ADGRF5: variants seen among roughly 807,000 people sequenced by gnomAD.
ADGRF5 encodes G-protein coupled receptor 116.
In ADGRF5, 75 loss-of-function variants were observed where a neutral mutation model predicts 132.3. The observed-to-expected ratio is 0.57, with a 90% CI of 0.47 to 0.69. The LOEUF is 0.69. Ranked by LOEUF, ADGRF5 falls within the 30% of genes least tolerant of loss-of-function variation. The pLI, the probability that ADGRF5 is intolerant of heterozygous loss-of-function variation, is 0.00. For synonymous variants in ADGRF5, 629 were observed against 597.6 expected (o/e 1.05, Z -0.77); for missense variants, 1,516 against 1,630.6 (o/e 0.93, Z 1.21).
chr6:46,933,004 A>C (rs530613457), intron 1 of ADGRF5, among the ~76,000 whole-genome samples: 42 of 152,206 alleles, frequency 2.8e-4, no homozygotes, highest in Non-Finnish European at 5.3e-4. Flanking sequence ...ATGGCCAAAA[A>C]TAAGATCACT....
At chr6:46,940,068 C>T (rs1042169765) in intron 1 of ADGRF5, among the ~76,000 whole-genome samples, 8 of 151,938 alleles carry the variant, frequency 5.3e-5, no homozygotes, top group African/African-American at 1.7e-4. Flanking sequence ...AACCAAACAC[C>T]GATTGAAAAA....
At position 46,868,721 on chromosome 6, in the gene ADGRF5, G is replaced by C. The variant is rs573449136; in HGVS notation, c.1621+162C>G. The stretch of plus-strand genomic sequence containing the variant: ...TTTATCTGTAAATATGGAAATAATG[G>C]CATCTTCCCTCAAAGGAATGTTGCG... On this transcript the variant is annotated intron_variant, in intron 12 of 20. Transcript: ENST00000283296. Among the ~76,000 whole-genome samples, 6 of 152,268 alleles carry C rather than the reference G, an allele frequency of 3.9e-5. No homozygotes were observed. In the South Asian group the frequency reaches 1.2e-3, roughly 32 times the overall value.
chr6:46,878,857 G>A (rs865963842), intron 9 of ADGRF5, among the ~76,000 whole-genome samples: 10 of 152,224 alleles, frequency 6.6e-5, no homozygotes, highest in African/African-American at 1.2e-4. Context: ...GTTACAATGC[G>A]GCTATTACAT....
upstream of ADGRF5, among the ~76,000 whole-genome samples, chr6:46,925,917 T>A (rs909850088): frequency 4.6e-5 from 7 of 152,232 alleles, no homozygotes; most frequent in Admixed American, 1.3e-4. Context: ...TGCTTTTTTT[T>A]ATTTTCTTTT....
chr6:46,916,822 C>T (rs1410251021), intron 1 of ADGRF5, among the ~76,000 whole-genome samples: 2 of 152,336 alleles, frequency 1.3e-5, no homozygotes, highest in East Asian at 3.9e-4. Flanking sequence ...GTCAATTTTT[C>T]TCCCATAACA....
intron 4 of ADGRF5, among the ~76,000 whole-genome samples, chr6:46,887,392 C>T (rs1183514741): frequency 1.3e-5 from 2 of 152,116 alleles, no homozygotes; most frequent in Non-Finnish European, 2.9e-5. Flanking sequence ...GTGGGAAACA[C>T]AGCAGAAGTT....
chr6:46,911,163 A>T (rs1024958536), intron 1 of ADGRF5, among the ~76,000 whole-genome samples: 1 of 152,132 alleles, frequency 6.6e-6, no homozygotes, highest in Non-Finnish European at 1.5e-5. Flanking sequence ...TACTCTTCAC[A>T]CAACATTCCC....
chr6:46,856,053 T>G lies in ADGRF5; in HGVS notation c.3882A>C (p.Thr1294=), dbSNP rs1769000603. The G allele has an allele frequency of 6.5e-7, 1 of 1,536,622 alleles. No individual in the cohort carries two copies. Among genetic ancestry groups the G allele is most frequent in the African/African-American group, 1.5e-5 (1 of 67,864 alleles). ...SRWSSQHSKS[T]SLGSSTPVFS... ...ACACAGGTGTGGATGAACCCAGGGA[T>G]GTTGACTAGAAGAGAGAAAAAAAGG... The change falls in exon 20 of 21, where the codon ACA becomes ACC. Residue 1294 remains threonine (T), a synonymous_variant. Transcript: ENST00000283296.
intron 1 of ADGRF5, among the ~76,000 whole-genome samples, chr6:46,932,864 T>G (rs1777624589): frequency 6.6e-6 from 1 of 152,206 alleles, no homozygotes; most frequent in Non-Finnish European, 1.5e-5. Context: ...CTTTTTAAAA[T>G]GCCCTTTCAA....
intron 1 of ADGRF5, among the ~76,000 whole-genome samples, chr6:46,953,659 A>ATATATATATATAGATATATG (rs1554131428): frequency 6.8e-5 from 5 of 73,674 alleles, no homozygotes; most frequent in African/African-American, 9.3e-5. Flanking sequence ...GTGTATATAT[A>ATATATATATATAGATATATG]TATATATATA....
chr6:46,877,307 T>TC (rs1562175113), intron 10 of ADGRF5, among the ~76,000 whole-genome samples: 8 of 36,980 alleles, frequency 2.2e-4, no homozygotes, highest in South Asian at 9.4e-4. Flanking sequence ...CTCTCTCTCT[T>TC]TCCTTCCTTC....
chr6:46,874,227 C>T (rs1206204255), intron 10 of ADGRF5, among the ~76,000 whole-genome samples: 1 of 152,164 alleles, frequency 6.6e-6, no homozygotes, highest in Non-Finnish European at 1.5e-5. Context: ...CTTCTCTTCT[C>T]TTTATCTTCT....
chr6:46,855,563 T>A (rs1298831635), intron 20 of ADGRF5, among the ~76,000 whole-genome samples: 2 of 152,188 alleles, frequency 1.3e-5, no homozygotes, highest in African/African-American at 2.4e-5. Flanking sequence ...AGTGAGATCC[T>A]GTAGTAAGAT....
upstream of ADGRF5, among the ~76,000 whole-genome samples, chr6:46,922,973 C>A (rs751419607): frequency 2.0e-5 from 3 of 152,242 alleles, no homozygotes; most frequent in Non-Finnish European, 4.4e-5. Flanking sequence ...GTCTCCCAGG[C>A]TAGAGTCCAG....
intron 1 of ADGRF5, among the ~76,000 whole-genome samples, chr6:46,915,919 C>A (rs1776379061): frequency 6.6e-6 from 1 of 152,156 alleles, no homozygotes; most frequent in Admixed American, 6.6e-5. Context: ...TCCATTTGTG[C>A]ATGGCCTCCT....
rs535854303 is a variant in ADGRF5, at chr6:46,852,685, A to G, written c.*1307T>C. 2.0e-5 allele frequency: 3 copies of G among 152,254 alleles called. No homozygotes were observed. Among genetic ancestry groups the G allele is most frequent in the African/African-American group, 7.2e-5 (3 of 41,468 alleles). 9.4% of individuals were successfully genotyped at this position (152,254 alleles called of 1,614,324 possible). On this transcript the variant is annotated 3_prime_UTR_variant, in exon 21 of 21. Coordinates refer to ENST00000283296, the MANE Select transcript of ADGRF5 (RefSeq NM_001098518.2). ...ATTCACAAACAATCAAATCCTTGGG[A>G]AAGGCTCTGCCATTTGTTCAACAAG... is the stretch of plus-strand genomic sequence containing the variant.
intron 1 of ADGRF5, among the ~76,000 whole-genome samples, chr6:46,912,739 A>T (rs796888754): frequency 3.9e-5 from 6 of 152,250 alleles, no homozygotes; most frequent in African/African-American, 1.4e-4. Flanking sequence ...GCAAAAATAA[A>T]AAGCAGATAA....
In ADGRF5 at chr6:46,888,318, A is replaced by G. The variant is rs1443338062; in HGVS notation, c.328+17T>C. 6.4e-7 allele frequency: 1 copy of G among 1,560,248 alleles called. No individual in the cohort carries two copies. Among genetic ancestry groups the G allele is most frequent in the East Asian group, 2.2e-5 (1 of 44,550 alleles). On this transcript the variant is annotated intron_variant, in intron 4 of 20. Transcript: ENST00000283296. ...ACATCCAATCATTTATTCTGAAGCA[A>G]TGGGTCTCTTACTCACCTGTTGTCA...
In ADGRF5 at chr6:46,906,667, A is replaced by G. The variant is rs1273327515; in HGVS notation, c.96T>C (p.His32=). ...ALNWNYESTI[H]PLSLHEHEPA... ...AGATATGGATATAACTCACCAAAGG[A>G]TGAATAGTAGACTCGTAATTCCAGT... The change falls in exon 2 of 21, where the codon CAT becomes CAC. Residue 32 remains histidine (H), a synonymous_variant. Coordinates refer to ENST00000283296, the MANE Select transcript of ADGRF5 (RefSeq NM_001098518.2). The G allele has an allele frequency of 4.0e-6, 6 of 1,499,458 alleles. No individual in the cohort carries two copies. Among genetic ancestry groups the G allele is most frequent in the Non-Finnish European group, 5.6e-6 (6 of 1,076,040 alleles). The allele number at this position is 1,499,458 out of a possible 1,614,324, so 92.9% of individuals were successfully genotyped here.
Sources: gnomAD v4.1 joint callset for allele counts (sites outside exome capture counted in the v4.1 genomes callset) on GRCh38, gnomAD v4.1.1 for gene constraint, MANE v1.5 for transcripts, NCBI Gene and HGNC (gene_info 2026-07-23, HGNC 2026-07-21) for gene names.